NSUN4: variants seen among roughly 807,000 people sequenced by gnomAD.
NSUN4 encodes the protein NOP2/Sun RNA methyltransferase 4, also known as 5-cytosine rRNA methyltransferase NSUN4.
NSUN4 carries 31 observed loss-of-function variants against 43.8 expected under a neutral mutation model. That is an observed-to-expected ratio of 0.71 (90% CI 0.53 to 0.96). The LOEUF (loss-of-function observed/expected upper bound fraction) is 0.96. Ranked by LOEUF, NSUN4 falls within the 40% of genes least tolerant of loss-of-function variation. The pLI is 0.00. For missense variants in NSUN4, 439 were observed against 475.6 expected (o/e 0.92, Z 0.72); for synonymous variants, 167 against 184.1 (o/e 0.91, Z 0.75).
the NSUN4 span, among the ~76,000 whole-genome samples, chr1:46,381,101 A>G: frequency 2.0e-5 from 3 of 152,136 alleles, no homozygotes; most frequent in Non-Finnish European, 4.4e-5. Flanking sequence ...GCTCTGAATC[A>G]TGTGCCATCT....
At chr1:46,360,277 T>C (rs1163399066) in intron 4 of NSUN4, among the ~76,000 whole-genome samples, 13 of 88,724 alleles carry the variant, frequency 1.5e-4, no homozygotes, top group African/African-American at 5.0e-4. Context: ...TATATATATA[T>C]GTAAATTAGT....
At chr1:46,341,497 G>A in intron 1 of NSUN4, 1 of 1,041,526 alleles carries the variant, frequency 9.6e-7, no homozygotes, top group Non-Finnish European at 1.2e-6. Context: ...CCTGGCAAAA[G>A]GTGCAACGAA....
downstream of NSUN4, among the ~76,000 whole-genome samples, chr1:46,368,013 C>T (rs964817614): frequency 3.3e-5 from 5 of 152,080 alleles, no homozygotes; most frequent in African/African-American, 1.2e-4. Context: ...GATCAGCCTG[C>T]CTTGGCCTCC....
At chr1:46,347,616 T>C (rs1221845344) in intron 3 of NSUN4, among the ~76,000 whole-genome samples, 2 of 152,222 alleles carry the variant, frequency 1.3e-5, no homozygotes, top group African/African-American at 4.8e-5. Context: ...CTCTGATCAG[T>C]TGATCACATG....
chr1:46,351,431 A>T (rs557415735), intron 3 of NSUN4, among the ~76,000 whole-genome samples: 7 of 152,256 alleles, frequency 4.6e-5, no homozygotes, highest in Non-Finnish European at 7.4e-5. Flanking sequence ...ATTAATAAGG[A>T]GGAAGAGGAG....
intron 1 of NSUN4, chr1:46,341,688 G>A (rs1222483497): frequency 8.2e-7 from 1 of 1,222,654 alleles, no homozygotes; most frequent in Non-Finnish European, 1.0e-6. Context: ...ATGGTCTTTT[G>A]AGTCCTCTTC....
chr1:46,350,301 G>T (rs750147646), intron 3 of NSUN4, among the ~76,000 whole-genome samples: 1 of 152,148 alleles, frequency 6.6e-6, no homozygotes, highest in Non-Finnish European at 1.5e-5. Flanking sequence ...AGGAGGCTGA[G>T]GCAGGTGGAA....
intron 2 of NSUN4, among the ~76,000 whole-genome samples, chr1:46,346,224 G>A (rs1223200634): frequency 6.6e-6 from 1 of 150,852 alleles, no homozygotes; most frequent in South Asian, 2.1e-4. Context: ...CCCTCATAGA[G>A]CTTCCAGTTT....
chr1:46,360,910 A>G (rs890312629), intron 5 of NSUN4, 82 bp downstream of exon 5: 86 of 1,482,080 alleles, frequency 5.8e-5, no homozygotes, highest in Non-Finnish European at 3.7e-5. Flanking sequence ...TACCAAGACC[A>G]TAACCCACAC....
intron 3 of NSUN4, among the ~76,000 whole-genome samples, chr1:46,348,238 T>C (rs1662669126): frequency 6.6e-6 from 1 of 152,144 alleles, no homozygotes; most frequent in East Asian, 1.9e-4. Context: ...TGCCCAGTCA[T>C]CCTTTTGACT....
chr1:46,367,548 G>T (rs902974350), downstream of NSUN4, among the ~76,000 whole-genome samples: 9 of 152,126 alleles, frequency 5.9e-5, no homozygotes, highest in Non-Finnish European at 1.3e-4. Context: ...CAAAACTGGG[G>T]CTTAGCCTGG....
At chr1:46,377,123 C>G in the NSUN4 span, among the ~76,000 whole-genome samples, 3 of 151,378 alleles carry the variant, frequency 2.0e-5, no homozygotes, top group Non-Finnish European at 2.9e-5. Context: ...GATCTCAGCT[C>G]ACTGCAACTT....
At chr1:46,371,541 C>T in the NSUN4 span, among the ~76,000 whole-genome samples, 3 of 152,260 alleles carry the variant, frequency 2.0e-5, 1 homozygote, top group Middle Eastern at 6.8e-3. Flanking sequence ...CTCCTGACCT[C>T]GTGATCCGCC....
chr1:46,381,375 A>G, the NSUN4 span, among the ~76,000 whole-genome samples: 1 of 152,218 alleles, frequency 6.6e-6, no homozygotes, highest in Non-Finnish European at 1.5e-5. Flanking sequence ...TCACAGGAAC[A>G]AAGTGGCCAC....
the NSUN4 span, among the ~76,000 whole-genome samples, chr1:46,384,083 G>T: frequency 1.3e-5 from 2 of 152,164 alleles, no homozygotes; most frequent in African/African-American, 4.8e-5. Flanking sequence ...GATCGGAATG[G>T]GTCAGGGTGG....
the NSUN4 span, among the ~76,000 whole-genome samples, chr1:46,384,685 C>T: frequency 6.6e-6 from 1 of 152,176 alleles, no homozygotes; most frequent in Non-Finnish European, 1.5e-5. Flanking sequence ...AACAATGGCC[C>T]ATGATTCTGA....
At chr1:46,358,127 G>A (rs1236989909) in intron 4 of NSUN4, among the ~76,000 whole-genome samples, 6 of 151,962 alleles carry the variant, frequency 3.9e-5, no homozygotes, top group South Asian at 4.1e-4. Flanking sequence ...ACGGAGTCTC[G>A]CTCTGTCACC....
the NSUN4 span, chr1:46,370,563 T>C: frequency 4.0e-5 from 6 of 149,656 alleles, no homozygotes; most frequent in South Asian, 4.3e-4. Context: ...TTTTTTTTTT[T>C]CCAGATTCAT....
At chr1:46,352,775 G>T in intron 3 of NSUN4, 93 bp from the exon 4 acceptor site, 1 of 1,233,938 alleles carries the variant, frequency 8.1e-7, no homozygotes, top group Non-Finnish European at 1.2e-6. Context: ...GCATTGGCTG[G>T]GACTACCTGA....
Sources: allele counts gnomAD v4.1 joint callset (sites outside exome capture counted in the v4.1 genomes callset), GRCh38; gene constraint gnomAD v4.1.1; transcripts MANE v1.5; gene names NCBI Gene and HGNC (gene_info 2026-07-23, HGNC 2026-07-21).